PIK3C2G: variants seen among roughly 807,000 people sequenced by gnomAD.
The protein encoded by PIK3C2G is phosphatidylinositol 3-kinase C2 domain-containing subunit gamma.
A neutral mutation model predicts 181.1 loss-of-function variants in PIK3C2G; 168 were observed. That is an observed-to-expected ratio of 0.93 (90% CI 0.82 to 1.05). The LOEUF (loss-of-function observed/expected upper bound fraction) is 1.05. Ranked by LOEUF, PIK3C2G falls within the 50% of genes least tolerant of loss-of-function variation. PIK3C2G has a pLI of 0.00. For synonymous variants in PIK3C2G, 573 were observed against 592.2 expected (o/e 0.97, Z 0.47); for missense variants, 1,869 against 1,732.8 (o/e 1.08, Z -1.40).
At chr12:18,610,389 A>T (rs992675884) in intron 31 of PIK3C2G, among the ~76,000 whole-genome samples, 2 of 152,116 alleles carry the variant, frequency 1.3e-5, no homozygotes, top group East Asian at 3.9e-4. Context: ...CTTTGGAAGG[A>T]TCTAAAAGAG....
At chr12:18,372,315 A>G (rs1942124022) in intron 13 of PIK3C2G, among the ~76,000 whole-genome samples, 1 of 152,088 alleles carries the variant, frequency 6.6e-6, no homozygotes. Flanking sequence ...TCTTTGTCAT[A>G]TCTATCATCT....
chr12:18,557,801 A>G (rs2136313192), intron 26 of PIK3C2G, among the ~76,000 whole-genome samples: 1 of 152,334 alleles, frequency 6.6e-6, no homozygotes, highest in Middle Eastern at 3.4e-3. Context: ...GATAGCATTT[A>G]TGCCATACAA....
At chr12:18,460,076 T>C (rs1947835140) in intron 18 of PIK3C2G, among the ~76,000 whole-genome samples, 1 of 152,166 alleles carries the variant, frequency 6.6e-6, no homozygotes, top group South Asian at 2.1e-4. Context: ...TTCTTTTTTC[T>C]TAATTACTTT....
intron 5 of PIK3C2G, among the ~76,000 whole-genome samples, chr12:18,296,225 G>C (rs1389065124): frequency 6.6e-6 from 1 of 152,072 alleles, no homozygotes; most frequent in Non-Finnish European, 1.5e-5. Context: ...AAATAAATAT[G>C]ACTATGAACC....
chr12:18,671,166 G>A, the PIK3C2G span, among the ~76,000 whole-genome samples: 2 of 147,604 alleles, frequency 1.4e-5, no homozygotes, highest in African/African-American at 2.5e-5. Flanking sequence ...TCCAGCCCGG[G>A]TGACAGGGTG....
intron 30 of PIK3C2G, among the ~76,000 whole-genome samples, chr12:18,604,379 C>G (rs758066046): frequency 1.3e-5 from 2 of 152,098 alleles, no homozygotes; most frequent in East Asian, 1.9e-4. Context: ...AACACTGGGG[C>G]TCCCAAAGTT....
chr12:18,370,650 C>G (rs1941984675), intron 12 of PIK3C2G, among the ~76,000 whole-genome samples: 1 of 152,184 alleles, frequency 6.6e-6, no homozygotes, highest in African/African-American at 2.4e-5. Flanking sequence ...ACATCCTCCA[C>G]AATCTCCCCT....
intron 24 of PIK3C2G, among the ~76,000 whole-genome samples, chr12:18,524,599 CT>C (rs1261104308): frequency 6.7e-6 from 1 of 150,092 alleles, no homozygotes; most frequent in Non-Finnish European, 1.5e-5. Flanking sequence ...GAGTTCCAAC[CT>C]TGTTGCCCAG....
At chr12:18,442,295 G>T (rs969253046) in intron 18 of PIK3C2G, among the ~76,000 whole-genome samples, 8 of 152,080 alleles carry the variant, frequency 5.3e-5, no homozygotes, top group African/African-American at 1.7e-4. Flanking sequence ...GTGGAATACT[G>T]TAAAATATGC....
chr12:18,603,924 G>A (rs1331634156), intron 30 of PIK3C2G, among the ~76,000 whole-genome samples: 2 of 151,992 alleles, frequency 1.3e-5, no homozygotes, highest in Non-Finnish European at 1.5e-5. Context: ...TCTCTTTAAA[G>A]CATAAATCAC....
upstream of PIK3C2G, among the ~76,000 whole-genome samples, chr12:18,246,284 G>A (rs1441592546): frequency 6.6e-6 from 1 of 151,976 alleles, no homozygotes; most frequent in Non-Finnish European, 1.5e-5. Flanking sequence ...ACCAAATTTC[G>A]GGATCAAAAC....
chr12:18,258,527 T>G (rs1433201216), upstream of PIK3C2G, among the ~76,000 whole-genome samples: 5 of 152,102 alleles, frequency 3.3e-5, no homozygotes, highest in Non-Finnish European at 7.4e-5. Context: ...AGTAAGATTA[T>G]GTAGTATTTC....
intron 24 of PIK3C2G, among the ~76,000 whole-genome samples, chr12:18,518,944 A>T (rs910981511): frequency 5.9e-5 from 9 of 152,130 alleles, no homozygotes; most frequent in Non-Finnish European, 1.3e-4. Context: ...CTTTGTTCTC[A>T]TTGGTTTCAA....
chr12:18,245,577 C>T (rs549745317), upstream of PIK3C2G, among the ~76,000 whole-genome samples: 11 of 151,982 alleles, frequency 7.2e-5, no homozygotes, highest in Non-Finnish European at 1.0e-4. Flanking sequence ...TTTTAAATTA[C>T]ACATTTTATT....
intron 1 of PIK3C2G, among the ~76,000 whole-genome samples, chr12:18,267,527 G>A (rs1449327916): frequency 3.3e-5 from 5 of 151,820 alleles, no homozygotes; most frequent in South Asian, 4.2e-4. Flanking sequence ...CCAATTACTC[G>A]TCCTTTGAAT....
intron 32 of PIK3C2G, among the ~76,000 whole-genome samples, chr12:18,643,567 G>C (rs1228326285): frequency 6.6e-6 from 1 of 151,672 alleles, no homozygotes; most frequent in South Asian, 2.1e-4. Flanking sequence ...TTCTATGCCT[G>C]TATCAACACA....
chr12:18,668,903 A>G, the PIK3C2G span, among the ~76,000 whole-genome samples: 2 of 152,116 alleles, frequency 1.3e-5, no homozygotes, highest in South Asian at 2.1e-4. Flanking sequence ...TCAATTGTAA[A>G]TGTCAGCAAA....
At chr12:18,708,168 C>T in the PIK3C2G span, among the ~76,000 whole-genome samples, 1 of 152,158 alleles carries the variant, frequency 6.6e-6, no homozygotes, top group Non-Finnish European at 1.5e-5. Flanking sequence ...TCTCCATTTT[C>T]TTCTCCCTCC....
intron 31 of PIK3C2G, among the ~76,000 whole-genome samples, chr12:18,622,971 A>G (rs1203814763): frequency 6.6e-6 from 1 of 151,764 alleles, no homozygotes; most frequent in Admixed American, 6.6e-5. Context: ...ATGACTTGCA[A>G]ATATTTTTTC....
Sources: allele counts gnomAD v4.1 joint callset (sites outside exome capture counted in the v4.1 genomes callset), GRCh38; gene constraint gnomAD v4.1.1; transcripts MANE v1.5; gene names NCBI Gene and HGNC (gene_info 2026-07-23, HGNC 2026-07-21).